The following SMYD3 variants were observed in gnomAD, a reference collection of about 807,000 sequenced individuals.
SMYD3 encodes the protein histone-lysine N-methyltransferase SMYD3.
A neutral mutation model predicts 57.7 loss-of-function variants in SMYD3; 36 were observed. The observed-to-expected ratio is 0.62, with a 90% CI of 0.48 to 0.82. SMYD3 has a LOEUF of 0.82. Among genes scored for constraint, SMYD3 ranks in the 40% least tolerant of loss-of-function variants. The pLI is 0.00. For missense variants in SMYD3, 515 were observed against 538.8 expected (o/e 0.96, Z 0.44); for synonymous variants, 211 against 195.0 (o/e 1.08, Z -0.68).
At chr1:245,903,907 T>TAG (rs2054368360) in intron 8 of SMYD3, among the ~76,000 whole-genome samples, 1 of 152,228 alleles carries the variant, frequency 6.6e-6, no homozygotes, top group Non-Finnish European at 1.5e-5. Context: ...TGGGAGGGGC[T>TAG]GCTGTGAAAG....
chr1:246,239,161 A>G (rs1191117723), intron 5 of SMYD3, among the ~76,000 whole-genome samples: 1 of 152,174 alleles, frequency 6.6e-6, no homozygotes, highest in African/African-American at 2.4e-5. Flanking sequence ...GGTTTGTTAC[A>G]TATGTATACA....
At chr1:245,994,500 G>A (rs2058883777) in intron 5 of SMYD3, among the ~76,000 whole-genome samples, 2 of 152,270 alleles carry the variant, frequency 1.3e-5, no homozygotes, top group East Asian at 1.9e-4. Flanking sequence ...CACTTTGGAT[G>A]CCCTCACCCT....
chr1:245,885,197 G>A (rs986541048), intron 8 of SMYD3, among the ~76,000 whole-genome samples: 8 of 152,124 alleles, frequency 5.3e-5, no homozygotes, highest in African/African-American at 9.7e-5. Context: ...AAGAAACTCT[G>A]GACACATCTG....
In SMYD3 at chr1:246,206,247, T is replaced by C. The variant is rs557818126; in HGVS notation, c.531+120954A>G. Reference sequence around the variant, plus strand: ...AAAACAAATTAATCCAGATGACATATAACTAAACATCAAAATGGGGAAGGA... The same window carrying C: ...AAAACAAATTAATCCAGATGACATACAACTAAACATCAAAATGGGGAAGGA... On this transcript the variant is annotated intron_variant, in intron 5 of 11. Transcript: ENST00000490107. Among the ~76,000 whole-genome samples, 5 of 150,506 alleles carry C rather than the reference T, an allele frequency of 3.3e-5. No homozygotes were observed. The South Asian group carries it at 1.1e-3, about 32-fold the overall frequency.
chr1:246,300,592 A>G (rs945754070), intron 5 of SMYD3, among the ~76,000 whole-genome samples: 2 of 152,158 alleles, frequency 1.3e-5, no homozygotes, highest in African/African-American at 4.8e-5. Context: ...TCCAGGTACT[A>G]AAAACATGAA....
rs1352266444 is a variant in SMYD3 at position 246,202,122 on chromosome 1, A to T, written c.531+125079T>A. 6.6e-6 allele frequency among the ~76,000 whole-genome samples: 1 copy of T among 152,094 alleles called. No individual in the cohort carries two copies. Among genetic ancestry groups the T allele is most frequent in the African/African-American group, 2.4e-5 (1 of 41,406 alleles). On this transcript the variant is annotated intron_variant, in intron 5 of 11. Coordinates refer to ENST00000490107, the MANE Select transcript of SMYD3 (RefSeq NM_001167740.2). The surrounding 1 kb of genome is among the most constrained non-coding windows in gnomAD (Gnocchi z 4.1). ...TAATAATTATTATTTCTAGATGGTG[A>T]GCTAATGGGTGATTTTTATTTAATA...
intron 5 of SMYD3, among the ~76,000 whole-genome samples, chr1:246,324,816 T>C (rs1248248719): frequency 6.6e-6 from 1 of 151,338 alleles, no homozygotes; most frequent in African/African-American, 2.4e-5. Context: ...AGCAGTAGAC[T>C]GGGATAAAAA....
intron 8 of SMYD3, among the ~76,000 whole-genome samples, chr1:245,876,427 T>G (rs1223355319): frequency 3.9e-5 from 6 of 152,262 alleles, no homozygotes; most frequent in African/African-American, 1.2e-4. Context: ...ACCATCAGCG[T>G]GGCCTTTGCC....
At chr1:245,843,987 G>C (rs778588502) in intron 10 of SMYD3, among the ~76,000 whole-genome samples, 8 of 152,162 alleles carry the variant, frequency 5.3e-5, no homozygotes, top group Non-Finnish European at 8.8e-5. Context: ...TGGAGTGTTG[G>C]ATGCTCCATT....
intron 5 of SMYD3, among the ~76,000 whole-genome samples, chr1:246,201,104 C>T (rs2062917226): frequency 6.6e-6 from 1 of 152,162 alleles, no homozygotes; most frequent in Non-Finnish European, 1.5e-5. Context: ...GTTTCCATGG[C>T]TATTGACAGA....
chr1:246,381,650 G>A (rs911163987), intron 1 of SMYD3, among the ~76,000 whole-genome samples: 13 of 152,160 alleles, frequency 8.5e-5, no homozygotes, highest in East Asian at 1.9e-4. Flanking sequence ...CATGTCTCCC[G>A]CAGTGCCCTG....
At chr1:245,943,060 T>C (rs1377771930) in intron 5 of SMYD3, among the ~76,000 whole-genome samples, 1 of 149,256 alleles carries the variant, frequency 6.7e-6, no homozygotes, top group Non-Finnish European at 1.5e-5. Context: ...CATCCTAACA[T>C]CACACAACTA....
At chr1:245,947,464 A>G in intron 5 of SMYD3, 1 of 455,404 alleles carries the variant, frequency 2.2e-6, no homozygotes, top group Admixed American at 2.4e-5. Flanking sequence ...CTGCTACCCC[A>G]TGTCACCGTA....
At chr1:245,788,213 C>A (rs1014786908) in intron 10 of SMYD3, among the ~76,000 whole-genome samples, 1 of 151,200 alleles carries the variant, frequency 6.6e-6, no homozygotes, top group African/African-American at 2.4e-5. Flanking sequence ...CAGATTAACA[C>A]AGGGAACAGG....
intron 1 of SMYD3, among the ~76,000 whole-genome samples, chr1:246,486,915 CA>C (rs2068196907): frequency 6.6e-6 from 1 of 152,094 alleles, no homozygotes; most frequent in South Asian, 2.1e-4. Flanking sequence ...TAACACTGTT[CA>C]AAAAGGTAGG....
intron 5 of SMYD3, among the ~76,000 whole-genome samples, chr1:246,248,635 CCTTTTTT>C (rs1330593250): frequency 1.2e-4 from 8 of 68,336 alleles, no homozygotes; most frequent in Admixed American, 1.6e-4. Flanking sequence ...CTCTGACTTT[CCTTTTTT>C]TTTTTTTTTT....
chr1:246,354,926 T>G (rs2065887416), intron 2 of SMYD3, 105 bp downstream of exon 2: 2 of 987,274 alleles, frequency 2.0e-6, no homozygotes, highest in Non-Finnish European at 3.1e-6. Flanking sequence ...TAAAAGTAAA[T>G]TAAAGGCTGT....
intron 5 of SMYD3, among the ~76,000 whole-genome samples, chr1:246,268,311 G>A (rs2148538813): frequency 6.6e-6 from 1 of 152,278 alleles, no homozygotes; most frequent in African/African-American, 2.4e-5. Flanking sequence ...CCAGCCCCAT[G>A]ACAGTTTACA....
chr1:246,243,628 G>C (rs1433967255), intron 5 of SMYD3, among the ~76,000 whole-genome samples: 1 of 151,666 alleles, frequency 6.6e-6, no homozygotes, highest in East Asian at 2.0e-4. Context: ...GAATATTCTG[G>C]GAGGTTTCCT....
Sources: gnomAD v4.1 joint callset for allele counts (sites outside exome capture counted in the v4.1 genomes callset) on GRCh38, gnomAD v4.1.1 for gene constraint, Gnocchi (gnomAD v3.1) non-coding constraint, MANE v1.5 for transcripts, NCBI Gene and HGNC (gene_info 2026-07-23, HGNC 2026-07-21) for gene names.